Variants in RBFOX1 observed in about 807,000 individuals in gnomAD.
The protein encoded by RBFOX1 is RNA binding fox-1 homolog 1, also known as RNA binding protein fox-1 homolog 1.
In RBFOX1, 8 loss-of-function variants were observed where a neutral mutation model predicts 57.7. That is an observed-to-expected ratio of 0.14 (90% CI 0.08 to 0.25). The LOEUF (loss-of-function observed/expected upper bound fraction) is 0.25. Among genes scored for constraint, RBFOX1 ranks in the 10% least tolerant of loss-of-function variants. RBFOX1 has a pLI of 1.00. For synonymous variants in RBFOX1, 326 were observed against 222.4 expected, an observed-to-expected ratio of 1.47 and a Z score of -4.15; for missense variants, 611 against 548.5, an observed-to-expected ratio of 1.11 and a Z score of -1.14.
intron 3 of RBFOX1, among the ~76,000 whole-genome samples, chr16:5,803,128 C>G (rs1377077026): frequency 6.6e-6 from 1 of 152,090 alleles, no homozygotes; most frequent in Non-Finnish European, 1.5e-5. Flanking sequence ...CAGAGGGTCT[C>G]TCCATCCGCT....
At chr16:7,654,090 A>G in intron 12 of RBFOX1, 143 bp downstream of exon 12, 1 of 820,790 alleles carries the variant, frequency 1.2e-6, no homozygotes, top group Non-Finnish European at 1.8e-6. Context: ...CCGGCCGCGC[A>G]CCTGCAGTGG....
intron 3 of RBFOX1, among the ~76,000 whole-genome samples, chr16:6,762,315 T>G (rs1158766406): frequency 6.6e-6 from 1 of 152,208 alleles, no homozygotes; most frequent in African/African-American, 2.4e-5. Context: ...TGGTCTTCAG[T>G]AAACTAGTAA....
At chr16:6,568,031 A>G (rs939624391) in intron 2 of RBFOX1, among the ~76,000 whole-genome samples, 5 of 152,144 alleles carry the variant, frequency 3.3e-5, no homozygotes, top group Non-Finnish European at 7.3e-5. Flanking sequence ...TATGTTGAAC[A>G]GGCTGGCCTT....
intron 1 of RBFOX1, among the ~76,000 whole-genome samples, chr16:6,226,063 A>C (rs1598541487): frequency 6.6e-6 from 1 of 152,168 alleles, no homozygotes; most frequent in East Asian, 1.9e-4. Flanking sequence ...TCTTTGTGTA[A>C]ATTAGTATTT....
At chr16:5,523,878 G>A (rs1292377867) in intron 2 of RBFOX1, among the ~76,000 whole-genome samples, 2 of 152,166 alleles carry the variant, frequency 1.3e-5, no homozygotes, top group East Asian at 3.9e-4. Flanking sequence ...GCATGGAGGG[G>A]CTGTTGTATC....
intron 3 of RBFOX1, among the ~76,000 whole-genome samples, chr16:6,767,952 A>ATAATAAT (rs1567165850): frequency 0.012 from 1,212 of 97,796 alleles, 25 homozygotes; most frequent in African/African-American, 0.043. Flanking sequence ...AATAATAAGA[A>ATAATAAT]GAAGAAGAAG....
intron 2 of RBFOX1, among the ~76,000 whole-genome samples, chr16:6,552,909 G>C (rs2097018844): frequency 6.6e-6 from 1 of 151,916 alleles, no homozygotes; most frequent in Admixed American, 6.6e-5. Context: ...TATGTTATTA[G>C]ATTACATAGA....
Position 5,266,300 on chromosome 16 carries a change from T to C in RBFOX1, c.219+26195T>C, listed in dbSNP as rs183045959. Among the ~76,000 whole-genome samples, 6 of 152,228 alleles carry C rather than the reference T, an allele frequency of 3.9e-5. No homozygotes were observed. The East Asian group carries it at 9.7e-4, about 25-fold the overall frequency. On this transcript the variant is annotated intron_variant, in intron 1 of 2. Coordinates refer to the RBFOX1 transcript ENST00000585867. ...TCCCTGGATCCCTGGACTCACTGGA[T>C]GCAGTAACACAACTCCCCCCAAGTA...
chr16:7,226,575 C>G (rs1303561400), intron 4 of RBFOX1, among the ~76,000 whole-genome samples: 1 of 152,206 alleles, frequency 6.6e-6, no homozygotes, highest in South Asian at 2.1e-4. Context: ...GAGAAAGGGG[C>G]CAACATCTGG....
At chr16:6,254,979 G>A (rs562398458) in intron 1 of RBFOX1, among the ~76,000 whole-genome samples, 9 of 151,772 alleles carry the variant, frequency 5.9e-5, no homozygotes, top group African/African-American at 2.2e-4. Context: ...TATGGTTTTG[G>A]CCTTTTTTCA....
At chr16:5,277,033 G>C (rs1368650747) in intron 1 of RBFOX1, among the ~76,000 whole-genome samples, 1 of 152,076 alleles carries the variant, frequency 6.6e-6, no homozygotes, top group Non-Finnish European at 1.5e-5. Context: ...CAAAACTATA[G>C]AACCAGCCCA....
At chr16:5,927,118 T>C (rs2058955416) in intron 4 of RBFOX1, among the ~76,000 whole-genome samples, 1 of 152,248 alleles carries the variant, frequency 6.6e-6, no homozygotes, top group Non-Finnish European at 1.5e-5. Flanking sequence ...ATTGATTCCA[T>C]TTTGACTGAC....
At chr16:7,061,352 A>G (rs899481240) in intron 4 of RBFOX1, among the ~76,000 whole-genome samples, 1 of 152,220 alleles carries the variant, frequency 6.6e-6, no homozygotes, top group Non-Finnish European at 1.5e-5. Context: ...TAATTGATGA[A>G]CGCAAGGAAA....
chr16:6,474,301 T>A (rs921189716), intron 2 of RBFOX1, among the ~76,000 whole-genome samples: 3 of 152,144 alleles, frequency 2.0e-5, no homozygotes, highest in African/African-American at 7.2e-5. Flanking sequence ...GTGACATCTG[T>A]TTTCAGGACC....
Position 5,274,217 on chromosome 16 carries a change from C to G in RBFOX1, c.219+34112C>G, listed in dbSNP as rs137913752. On this transcript the variant is annotated intron_variant, in intron 1 of 2. Transcript: ENST00000585867. ...CCACAGAAGAAGAAGGTTCCAGCATCACTTCCGGCCTCTCAAGAGTGAGTT... is the reference window on the plus strand; with the variant it reads ...CCACAGAAGAAGAAGGTTCCAGCATGACTTCCGGCCTCTCAAGAGTGAGTT... 1.7e-3 allele frequency among the ~76,000 whole-genome samples: 262 copies of G among 152,292 alleles called. 1 individual carries two copies. Among genetic ancestry groups the G allele is most frequent in the Middle Eastern group, 3.4e-3 (1 of 294 alleles).
At chr16:6,904,565 C>T (rs985586721) in intron 3 of RBFOX1, among the ~76,000 whole-genome samples, 33 of 129,794 alleles carry the variant, frequency 2.5e-4, no homozygotes, top group Non-Finnish European at 4.7e-5. Context: ...CATGCCATTG[C>T]ACTCCAGCCT....
intron 2 of RBFOX1, among the ~76,000 whole-genome samples, chr16:6,573,455 A>C (rs900677673): frequency 6.6e-6 from 1 of 152,186 alleles, no homozygotes; most frequent in African/African-American, 2.4e-5. Flanking sequence ...ATTCACTCAG[A>C]TCATAATCAG....
At chr16:7,236,830 C>T (rs976831961) in intron 4 of RBFOX1, among the ~76,000 whole-genome samples, 5 of 152,156 alleles carry the variant, frequency 3.3e-5, no homozygotes, top group African/African-American at 1.2e-4. Flanking sequence ...ATCTTGTCCT[C>T]AGCAAAGACT....
At chr16:6,421,031 T>C (rs1159262720) in intron 2 of RBFOX1, among the ~76,000 whole-genome samples, 3 of 152,194 alleles carry the variant, frequency 2.0e-5, no homozygotes, top group African/African-American at 7.2e-5. Flanking sequence ...TATTCCTCAA[T>C]GGCTAATTGC....
Sources: allele counts gnomAD v4.1 joint callset (sites outside exome capture counted in the v4.1 genomes callset), GRCh38; gene constraint gnomAD v4.1.1; transcripts MANE v1.5; gene names NCBI Gene and HGNC (gene_info 2026-07-23, HGNC 2026-07-21).